CAMTA1: variants seen among roughly 807,000 people sequenced by gnomAD.
CAMTA1 encodes the protein calmodulin binding transcription activator 1, also known as calmodulin-binding transcription activator 1.
In CAMTA1, 27 loss-of-function variants were observed where a neutral mutation model predicts 170.9. The ratio of observed to expected loss-of-function variants is 0.16; its 90% CI spans 0.12 to 0.22. The LOEUF is 0.22. CAMTA1 is among the 10% of genes least tolerant of loss of function. The probability of loss-of-function intolerance (pLI) is 1.00; values close to 1 mark genes in which losing one functional copy is unlikely to be tolerated. For missense variants in CAMTA1, 1,619 were observed against 2,217.2 expected (o/e 0.73, Z 5.42); for synonymous variants, 833 against 891.5 (o/e 0.93, Z 1.17).
chr1:7,474,702 C>G (rs1167667823), intron 6 of CAMTA1, among the ~76,000 whole-genome samples: 1 of 152,254 alleles, frequency 6.6e-6, no homozygotes, highest in African/African-American at 2.4e-5. Context: ...ACCCTTCATA[C>G]CACCCTCTTC....
chr1:7,279,422 G>C (rs969374518), intron 5 of CAMTA1, among the ~76,000 whole-genome samples: 2 of 152,152 alleles, frequency 1.3e-5, no homozygotes, highest in African/African-American at 4.8e-5. Flanking sequence ...GCTTAAGTAA[G>C]AGGCAGATGG....
At chr1:7,646,051 TGAGTTTGG>T (rs2095800984) in intron 7 of CAMTA1, among the ~76,000 whole-genome samples, 1 of 151,342 alleles carries the variant, frequency 6.6e-6, no homozygotes, top group African/African-American at 2.4e-5. Flanking sequence ...AAGGCCCTGG[TGAGTTTGG>T]TGGGGGCCCT....
intron 5 of CAMTA1, among the ~76,000 whole-genome samples, chr1:7,396,804 C>G (rs1273714219): frequency 1.3e-5 from 2 of 152,112 alleles, no homozygotes; most frequent in Admixed American, 6.5e-5. Context: ...TGCTTATTGA[C>G]TTGCATATGT....
At chr1:7,046,913 G>A (rs1050383664) in intron 3 of CAMTA1, among the ~76,000 whole-genome samples, 3 of 152,204 alleles carry the variant, frequency 2.0e-5, no homozygotes, top group Non-Finnish European at 4.4e-5. Flanking sequence ...AGTAGACATG[G>A]GAGATAGCCT....
chr1:7,302,317 C>T (rs1229625052), intron 5 of CAMTA1, among the ~76,000 whole-genome samples: 1 of 152,084 alleles, frequency 6.6e-6, no homozygotes, highest in Non-Finnish European at 1.5e-5. Context: ...GAGCAGCTCA[C>T]CTCTCACCGA....
rs148069717 is a variant in CAMTA1 at position 7,147,576 on chromosome 1, C to G, written c.302+56205C>G. ...CAAACACAAACATACATCACACACA[C>G]GCACTGAAATATGCACCATGCACAC... On this transcript the variant is annotated intron_variant, in intron 4 of 22. Coordinates refer to ENST00000303635, the MANE Select transcript of CAMTA1 (RefSeq NM_015215.4). Among the ~76,000 whole-genome samples, 5 of 151,646 alleles carry G rather than the reference C, an allele frequency of 3.3e-5. No homozygotes were observed. The South Asian group carries it at 1.0e-3, about 32-fold the overall frequency.
At chr1:7,352,487 G>C (rs143819999) in intron 5 of CAMTA1, among the ~76,000 whole-genome samples, 182 of 152,354 alleles carry the variant, frequency 1.2e-3, no homozygotes, top group Middle Eastern at 0.01. Context: ...TGGCTGAGCT[G>C]ATGACTCTGT....
chr1:7,455,621 C>T lies in CAMTA1; in HGVS notation c.439-12209C>T, dbSNP rs1036870621. Among the ~76,000 whole-genome samples the T allele has an allele frequency of 3.9e-5, 6 of 152,204 alleles. No individual in the cohort carries two copies. The highest frequency in any genetic ancestry group is 6.5e-5 in the Admixed American group (1 of 15,278). ...CCCAGACTCCCTGGCCACATGCAGC[C>T]GCACATGTTGGAGTGTGCCGTGGAT... is the stretch of plus-strand genomic sequence containing the variant. On this transcript the variant is annotated intron_variant, in intron 5 of 22. Coordinates refer to ENST00000303635, the MANE Select transcript of CAMTA1 (RefSeq NM_015215.4). This position sits in a 1 kb window ranked among gnomAD's most constrained non-coding sequence, Gnocchi z 5.0.
intron 4 of CAMTA1, among the ~76,000 whole-genome samples, chr1:7,170,638 A>G (rs868108657): frequency 3.3e-5 from 5 of 152,334 alleles, no homozygotes; most frequent in Admixed American, 6.5e-5. Flanking sequence ...TGGAAAGGAC[A>G]TGAACTCATT....
chr1:7,392,441 G>A (rs2088823982), intron 5 of CAMTA1, among the ~76,000 whole-genome samples: 1 of 151,482 alleles, frequency 6.6e-6, no homozygotes, highest in African/African-American at 2.4e-5. Flanking sequence ...TTTTAGTAGA[G>A]TCCGGGTTTC....
chr1:7,565,505 G>A lies in CAMTA1; in HGVS notation c.511-74895G>A, dbSNP rs114598275. 5.8e-3 allele frequency among the ~76,000 whole-genome samples: 881 copies of A among 152,300 alleles called. 2 individuals are homozygous for A. The highest frequency in any genetic ancestry group is 0.012 in the South Asian group (60 of 4,832). ...GGCTGAGTGTCCACATCAGGGGCTGGGCTTTCCGCAGAGAGCCTGGCTCTA... is the reference window on the plus strand; with the variant it reads ...GGCTGAGTGTCCACATCAGGGGCTGAGCTTTCCGCAGAGAGCCTGGCTCTA... On this transcript the variant is annotated intron_variant, in intron 6 of 22. Transcript: ENST00000303635. The surrounding 1 kb of genome is among the most constrained non-coding windows in gnomAD (Gnocchi z 4.5).
At chr1:7,539,093 G>C (rs1049017253) in intron 6 of CAMTA1, among the ~76,000 whole-genome samples, 2 of 152,190 alleles carry the variant, frequency 1.3e-5, no homozygotes, top group Non-Finnish European at 2.9e-5. Context: ...CAGAGCCCTC[G>C]GGCCTTCCAG....
chr1:7,314,087 A>G (rs750148660), intron 5 of CAMTA1, among the ~76,000 whole-genome samples: 2 of 152,262 alleles, frequency 1.3e-5, no homozygotes, highest in Non-Finnish European at 2.9e-5. Context: ...GGAGGGATCC[A>G]TTCCTAGGCT....
chr1:7,736,606 A>G lies in CAMTA1; in HGVS notation c.3263+66A>G, dbSNP rs2096774525. 8.8e-6 allele frequency: 13 copies of G among 1,476,576 alleles called. No homozygotes were observed. The highest frequency in any genetic ancestry group is 2.1e-4 in the Middle Eastern group (1 of 4,744). The allele number at this position is 1,476,576 out of a possible 1,614,324, so 91.5% of individuals were successfully genotyped here. A position where few individuals can be genotyped will look rare whatever the true frequency, so the allele number is the denominator to read the frequency against. On this transcript the variant is annotated intron_variant, in intron 13 of 22. Transcript: ENST00000303635. The surrounding 1 kb of genome is among the most constrained non-coding windows in gnomAD (Gnocchi z 4.5). ...ATCCTCGCTCACATTCTTCCTGAGC[A>G]CTGCCACCCGTGGAAGAAATCTACC...
rs1378163259 is a variant in CAMTA1 at position 7,609,639 on chromosome 1, T to C, written c.511-30761T>C. On this transcript the variant is annotated intron_variant, in intron 6 of 22. Coordinates refer to ENST00000303635, the MANE Select transcript of CAMTA1 (RefSeq NM_015215.4). The surrounding 1 kb of genome is among the most constrained non-coding windows in gnomAD (Gnocchi z 4.4). ...GTCCTGGCTGTCACCCATGTCCTGGTGACCTTGCTGAGGACATTGGAGCTC... is the reference window on the plus strand; with the variant it reads ...GTCCTGGCTGTCACCCATGTCCTGGCGACCTTGCTGAGGACATTGGAGCTC... Among the ~76,000 whole-genome samples the C allele has an allele frequency of 2.6e-5, 4 of 152,204 alleles. No homozygotes were observed. Among genetic ancestry groups the C allele is most frequent in the African/African-American group, 9.7e-5 (4 of 41,450 alleles).
chr1:7,305,594 T>C lies in CAMTA1; in HGVS notation c.438+55968T>C, dbSNP rs569336751. On this transcript the variant is annotated intron_variant, in intron 5 of 22. Transcript: ENST00000303635. Reference sequence around the variant, plus strand: ...ACGTTGCCATTCATTACTTTTTCATTGCCGAGTAATACTCCATTGTATTCA... The same window carrying C: ...ACGTTGCCATTCATTACTTTTTCATCGCCGAGTAATACTCCATTGTATTCA... 5.9e-5 allele frequency among the ~76,000 whole-genome samples: 9 copies of C among 152,204 alleles called. No individual in the cohort carries two copies. The South Asian group carries it at 1.9e-3, about 31-fold the overall frequency.
At chr1:7,538,680 A>G (rs2094575919) in intron 6 of CAMTA1, among the ~76,000 whole-genome samples, 1 of 152,156 alleles carries the variant, frequency 6.6e-6, no homozygotes. Context: ...TGAACAAACT[A>G]TATAGACCTC....
chr1:6,906,552 T>C (rs1678533831), intron 3 of CAMTA1, among the ~76,000 whole-genome samples: 1 of 152,150 alleles, frequency 6.6e-6, no homozygotes, highest in Non-Finnish European at 1.5e-5. Context: ...ACTTTGGCCA[T>C]GGGAGCAATG....
chr1:7,502,698 T>C (rs556269584), intron 6 of CAMTA1, among the ~76,000 whole-genome samples: 14 of 152,082 alleles, frequency 9.2e-5, no homozygotes, highest in South Asian at 4.2e-4. Flanking sequence ...CCCTCATAAA[T>C]GAGATGAGGA....
Sources: gnomAD v4.1 joint callset for allele counts (sites outside exome capture counted in the v4.1 genomes callset) on GRCh38, gnomAD v4.1.1 for gene constraint, Gnocchi (gnomAD v3.1) non-coding constraint, MANE v1.5 for transcripts, NCBI Gene and HGNC (gene_info 2026-07-23, HGNC 2026-07-21) for gene names.